VWA5B1: variants seen among roughly 807,000 people sequenced by gnomAD.
VWA5B1 encodes von Willebrand factor A domain containing 5B1.
VWA5B1 carries 115 observed loss-of-function variants against 118.2 expected under a neutral mutation model. The ratio of observed to expected loss-of-function variants is 0.97; its 90% CI spans 0.84 to 1.14. The LOEUF (loss-of-function observed/expected upper bound fraction) is 1.14, where lower values mean the gene tolerates loss of function less well. Ranked by LOEUF, VWA5B1 falls within the 50% of genes most tolerant of loss-of-function variation. VWA5B1 has a pLI of 0.00. For missense variants in VWA5B1, 1,596 were observed against 1,603.8 expected (o/e 1.00, Z 0.08); for synonymous variants, 682 against 658.4 (o/e 1.04, Z -0.55).
intron 1 of VWA5B1, among the ~76,000 whole-genome samples, chr1:20,307,810 CTTT>C (rs11348747): frequency 1.7e-4 from 24 of 145,300 alleles, no homozygotes; most frequent in African/African-American, 2.5e-4. Context: ...TTCTGACATT[CTTT>C]TTTTTTTTTT....
At chr1:20,350,054 A>G (rs2090095023) in intron 18 of VWA5B1, 102 bp from the exon 19 acceptor site, 5 of 1,233,512 alleles carry the variant, frequency 4.1e-6, no homozygotes, top group East Asian at 2.6e-5. Context: ...TTGTTCCCCA[A>G]CCCACCTGCA....
At chr1:20,317,210 C>A (rs2089040279) in intron 4 of VWA5B1, among the ~76,000 whole-genome samples, 1 of 150,712 alleles carries the variant, frequency 6.6e-6, no homozygotes, top group African/African-American at 2.4e-5. Context: ...TACCTCACCA[C>A]ACTGAGCTTC....
intron 1 of VWA5B1, among the ~76,000 whole-genome samples, chr1:20,294,000 C>T (rs1026646112): frequency 6.6e-6 from 1 of 152,094 alleles, no homozygotes; most frequent in African/African-American, 2.4e-5. Context: ...TTTGAATGAA[C>T]AGACAAGAAA....
In VWA5B1 at chr1:20,337,766, G is replaced by A. The variant is rs186598536; in HGVS notation, c.2063G>A (p.Arg688Gln). The change falls in exon 14 of 22, where the codon CGG becomes CAG. Residue 688 changes from arginine to glutamine, a missense_variant. Arg to Gln is a conservative substitution (Grantham distance 43, BLOSUM62 1). Transcript: ENST00000289815. ...PMPAAKRYPL[R>Q]KARLQDLTNQ... is the part of the protein sequence containing the mutation. ...CCAGCTGCCAAGAGATACCCACTGC[G>A]GAAAGCCAGGCTGCAGGACCTCACC... 2.5e-5 allele frequency: 39 copies of A among 1,551,670 alleles called. 1 individual carries two copies. The highest frequency in any genetic ancestry group is 4.1e-5 in the African/African-American group (3 of 73,030).
intron 11 of VWA5B1, among the ~76,000 whole-genome samples, chr1:20,332,483 A>ATAAAATAAAG (rs1478419902): frequency 5.3e-5 from 3 of 56,288 alleles, no homozygotes; most frequent in Non-Finnish European, 9.3e-5. Context: ...CTGTCTCAAA[A>ATAAAATAAAG]TAAAATAAAA....
intron 1 of VWA5B1, among the ~76,000 whole-genome samples, chr1:20,298,387 T>G (rs1243202558): frequency 6.6e-6 from 1 of 152,036 alleles, no homozygotes; most frequent in Non-Finnish European, 1.5e-5. Flanking sequence ...TTTAATCCTT[T>G]CCTTTGAATT....
rs1297065175 is a variant in VWA5B1, at chr1:20,359,459, C to T, written c.*5196C>T. ...GTGTCTGTTCTCAAAGAAATGGCTT[C>T]TTTGTACATGGTGGCTACCATTATC... On this transcript the variant is annotated 3_prime_UTR_variant, in exon 22 of 22. Coordinates refer to ENST00000289815, the MANE Select transcript of VWA5B1 (RefSeq NM_001039500.3). Among the ~76,000 whole-genome samples the T allele has an allele frequency of 6.6e-6, 1 of 152,170 alleles. No homozygotes were observed. Among genetic ancestry groups the T allele is most frequent in the African/African-American group, 2.4e-5 (1 of 41,442 alleles).
intron 1 of VWA5B1, among the ~76,000 whole-genome samples, chr1:20,309,907 CTGTGTGTGTGTGTGTGTGTG>C (rs59044353): frequency 6.9e-4 from 59 of 85,488 alleles, no homozygotes; most frequent in African/African-American, 2.7e-3. Context: ...GATGGATTGG[CTGTGTGTGTGTGTGTGTGTG>C]TGTGTGTGTG....
chr1:20,295,184 C>A (rs1185213745), intron 1 of VWA5B1, among the ~76,000 whole-genome samples: 2 of 152,100 alleles, frequency 1.3e-5, no homozygotes, highest in Non-Finnish European at 2.9e-5. Flanking sequence ...GATCACAGGG[C>A]TCTGGGTTGA....
chr1:20,341,192 C>T (rs1015626976), intron 14 of VWA5B1, among the ~76,000 whole-genome samples: 2 of 152,182 alleles, frequency 1.3e-5, no homozygotes, highest in South Asian at 4.1e-4. Flanking sequence ...TTTGCCAACC[C>T]CTACTGATGC....
At position 20,358,333 on chromosome 1, in the gene VWA5B1, T is replaced by C. The variant is rs914884183; in HGVS notation, c.*4070T>C. Among the ~76,000 whole-genome samples, 1 of 152,098 alleles carries C rather than the reference T, an allele frequency of 6.6e-6. No individual in the cohort carries two copies. Among genetic ancestry groups the C allele is most frequent in the Non-Finnish European group, 1.5e-5 (1 of 68,024 alleles). On this transcript the variant is annotated 3_prime_UTR_variant, in exon 22 of 22. Transcript: ENST00000289815. ...CACCAGGAACAGCTGTCAAAAAAGG[T>C]TTCTGGAAGTTTCCTCTAGATCCTG...
At chr1:20,353,713 G>A (rs979476625) in intron 21 of VWA5B1, 44 bp from the exon 22 acceptor site, 5 of 1,443,920 alleles carry the variant, frequency 3.5e-6, no homozygotes, top group African/African-American at 2.9e-5. Context: ...GGCTCCCTGG[G>A]CTAAAACATT....
rs1032968569 is a variant in VWA5B1, at chr1:20,338,044, T to C, written c.2133+208T>C. 5.7e-6 allele frequency: 4 copies of C among 699,210 alleles called. No individual in the cohort carries two copies. The African/African-American group carries it at 7.0e-5, about 12-fold the overall frequency. The allele number at this position is 699,210 out of a possible 1,614,324, so 43.3% of individuals were successfully genotyped here. A position where few individuals can be genotyped will look rare whatever the true frequency, so the allele number is the denominator to read the frequency against. ...ACCCACCGGTCAATAAGCTCGCTCA[T>C]TCCCTGCACACACACTGCCCAGTTG... is the stretch of plus-strand genomic sequence containing the variant. On this transcript the variant is annotated intron_variant, in intron 14 of 21. Transcript: ENST00000289815.
At chr1:20,340,785 A>T (rs2089855842) in intron 14 of VWA5B1, among the ~76,000 whole-genome samples, 1 of 152,246 alleles carries the variant, frequency 6.6e-6, no homozygotes, top group South Asian at 2.1e-4. Context: ...TCCTATTCCC[A>T]GACCCACTTG....
intron 6 of VWA5B1, among the ~76,000 whole-genome samples, chr1:20,319,016 C>G (rs2089121285): frequency 6.6e-6 from 1 of 152,166 alleles, no homozygotes; most frequent in Non-Finnish European, 1.5e-5. Flanking sequence ...TCTTTGAAAC[C>G]CAAAGCTCAG....
chr1:20,337,794 C>A lies in VWA5B1; in HGVS notation c.2091C>A (p.Asn697Lys), dbSNP rs1307146645. The A allele has an allele frequency of 1.7e-5, 27 of 1,551,704 alleles. No individual in the cohort carries two copies. Among genetic ancestry groups the A allele is most frequent in the Non-Finnish European group, 2.4e-5 (27 of 1,147,036 alleles). The change falls in exon 14 of 22, where the codon AAC becomes AAA. Residue 697 changes from asparagine to lysine, a missense_variant. Physicochemically the swap from Asn to Lys is moderately conservative, Grantham distance 94. Transcript: ENST00000289815. ...AAGCCAGGCTGCAGGACCTCACCAA[C>A]CAGACCAGCCTGGATGTCCAGCGGT... is the stretch of plus-strand genomic sequence containing the variant. ...LRKARLQDLTNQTSLDVQRWQ... is the reference protein window; with the variant it reads ...LRKARLQDLTKQTSLDVQRWQ...
chr1:20,298,680 T>A (rs1351261116), intron 1 of VWA5B1, among the ~76,000 whole-genome samples: 1 of 152,052 alleles, frequency 6.6e-6, no homozygotes, highest in Non-Finnish European at 1.5e-5. Context: ...CACCCAGTGC[T>A]ACAAGTCAAA....
Position 20,354,198 on chromosome 1 carries a change from C to T in VWA5B1, c.3583C>T (p.Leu1195Phe), listed in dbSNP as rs1269488608. The T allele has an allele frequency of 6.4e-7, 1 of 1,551,198 alleles. No individual in the cohort carries two copies. Among genetic ancestry groups the T allele is most frequent in the Non-Finnish European group, 8.7e-7 (1 of 1,146,970 alleles). Residue 1195 changes from leucine to phenylalanine, a missense_variant, in exon 22 of 22, where the codon CTT becomes TTT. Physicochemically the swap from Leu to Phe is conservative, Grantham distance 22. Transcript: ENST00000289815. Reference sequence around the variant, plus strand: ...GGCCGCTGCCCGCCAGCTGTTTGTGCTTCTGCGGCACTGGGATGAGAATCT... The same window carrying T: ...GGCCGCTGCCCGCCAGCTGTTTGTGTTTCTGCGGCACTGGGATGAGAATCT... ...LKAAARQLFV[L>F]LRHWDENLEF... is the part of the protein sequence containing the mutation.
In VWA5B1 at chr1:20,350,248, G is replaced by A. The variant is rs187574814; in HGVS notation, c.2953+18G>A. On this transcript the variant is annotated intron_variant, in intron 19 of 21. Transcript: ENST00000289815. ...TTCTGAAGGTGAGTGGGCAGGTGGC[G>A]CTGCCTCTTCATCAAGATGGTGACA... The A allele has an allele frequency of 2.6e-4, 405 of 1,550,522 alleles. 4 individuals are homozygous for A. The African/African-American group carries it at 4.2e-3, about 16-fold the overall frequency.
Sources: gnomAD v4.1 joint callset for allele counts (sites outside exome capture counted in the v4.1 genomes callset) on GRCh38, gnomAD v4.1.1 for gene constraint, MANE v1.5 for transcripts, NCBI Gene and HGNC (gene_info 2026-07-23, HGNC 2026-07-21) for gene names.